SMIM35: variants seen among roughly 807,000 people sequenced by gnomAD.
The protein encoded by SMIM35 is TMPRSS4 antisense RNA 1 (non-protein coding).
intron 1 of SMIM35, among the ~76,000 whole-genome samples, chr11:118,022,240 A>T (rs922551807): frequency 2.6e-5 from 4 of 152,074 alleles, no homozygotes. Context: ...TAGTAGAGAC[A>T]GGGTTTCACC....
intron 1 of SMIM35, chr11:118,029,774 C>CT (rs1182034741): frequency 2.2e-6 from 1 of 457,228 alleles, no homozygotes; most frequent in Non-Finnish European, 4.4e-6. Flanking sequence ...TCCCAGAGGT[C>CT]TGAGGTCCTC....
intron 1 of SMIM35, among the ~76,000 whole-genome samples, chr11:118,022,909 G>C (rs1342038231): frequency 6.6e-6 from 1 of 151,486 alleles, no homozygotes; most frequent in African/African-American, 2.4e-5. Flanking sequence ...GCCTTAGACT[G>C]TTCAGCCTAA....
intron 1 of SMIM35, among the ~76,000 whole-genome samples, chr11:118,032,834 G>A (rs901367603): frequency 1.3e-5 from 2 of 152,184 alleles, no homozygotes; most frequent in African/African-American, 2.4e-5. Flanking sequence ...CTTGAACTCA[G>A]GAGGTGGAGG....
chr11:118,074,541 G>T (rs757243320), intron 1 of SMIM35, among the ~76,000 whole-genome samples: 1 of 152,172 alleles, frequency 6.6e-6, no homozygotes, highest in Admixed American at 6.5e-5. Context: ...GAGCTCAGGG[G>T]TTTGAGACCA....
rs150635491 is a variant in SMIM35, at chr11:118,015,135, A to G, written c.125-394T>C. 7.5e-4 allele frequency among the ~76,000 whole-genome samples: 115 copies of G among 152,384 alleles called. 1 individual carries two copies. In the Middle Eastern group the frequency reaches 0.034, roughly 45 times the overall value. ...CATAGTAGGTGCTCAACAAATATCC[A>G]TGGACTCTGTTAAAGTTAAGTGCAG... On this transcript the variant is annotated intron_variant, in intron 2 of 4. Transcript: ENST00000689828.
chr11:118,044,840 C>T (rs1287448507), intron 1 of SMIM35, among the ~76,000 whole-genome samples: 1 of 150,658 alleles, frequency 6.6e-6, no homozygotes, highest in Non-Finnish European at 1.5e-5. Context: ...AAAAAACCTC[C>T]TAGTTTGATC....
intron 1 of SMIM35, among the ~76,000 whole-genome samples, chr11:118,027,016 C>CTTTTTTTTTTTTTTTT (rs60864416): frequency 3.2e-5 from 3 of 93,256 alleles, no homozygotes; most frequent in East Asian, 4.1e-4. Flanking sequence ...ACCACCACCA[C>CTTTTTTTTTTTTTTTT]TTTTTTTTTT....
At chr11:118,044,807 A>G (rs1308334054) in intron 1 of SMIM35, among the ~76,000 whole-genome samples, 1 of 151,032 alleles carries the variant, frequency 6.6e-6, no homozygotes, top group Non-Finnish European at 1.5e-5. Context: ...CTACTAAAAA[A>G]AAAACAAAAC....
chr11:118,015,450 A>G (rs1322066328), intron 2 of SMIM35, among the ~76,000 whole-genome samples: 2 of 152,046 alleles, frequency 1.3e-5, no homozygotes, highest in African/African-American at 4.8e-5. Context: ...CTGAGGGAGG[A>G]GGAAGCTGGC....
At chr11:118,028,577 A>G (rs189701209) in intron 1 of SMIM35, among the ~76,000 whole-genome samples, 7 of 152,324 alleles carry the variant, frequency 4.6e-5, no homozygotes, top group African/African-American at 1.4e-4. Flanking sequence ...AAATAAAACT[A>G]TGCTTATTCG....
chr11:118,085,765 G>C (rs189911135), intron 1 of SMIM35, among the ~76,000 whole-genome samples: 1 of 152,054 alleles, frequency 6.6e-6, no homozygotes, highest in Non-Finnish European at 1.5e-5. Context: ...TGGCCCTCTC[G>C]AGTCCCCTCC....
At chr11:118,079,615 G>A (rs551298478) in intron 1 of SMIM35, among the ~76,000 whole-genome samples, 5 of 152,316 alleles carry the variant, frequency 3.3e-5, no homozygotes, top group South Asian at 2.1e-4. Flanking sequence ...GCCACCAGAC[G>A]TGGGTGTTAA....
At chr11:118,077,596 T>C (rs75602418) in intron 1 of SMIM35, among the ~76,000 whole-genome samples, 4,631 of 152,258 alleles carry the variant, frequency 0.03, 229 homozygotes, top group African/African-American at 0.11. Flanking sequence ...GCATGTTCTT[T>C]TGCCCAATGT....
intron 1 of SMIM35, chr11:118,025,739 G>A (rs4936416): frequency 0.074 from 33,855 of 454,568 alleles, 1,689 homozygotes; most frequent in Non-Finnish European, 0.1. Flanking sequence ...CCATTCTATA[G>A]GTTGTCTGTT....
intron 4 of SMIM35, among the ~76,000 whole-genome samples, chr11:118,008,883 C>A (rs1392594434): frequency 3.3e-5 from 5 of 152,182 alleles, no homozygotes; most frequent in Admixed American, 3.3e-4. Context: ...AGACTGGATG[C>A]CCCCATGGTG....
chr11:118,052,565 C>G (rs761484245), intron 1 of SMIM35, among the ~76,000 whole-genome samples: 1 of 152,126 alleles, frequency 6.6e-6, no homozygotes, highest in Admixed American at 6.5e-5. Context: ...CCTCAGGCCC[C>G]CACAGAACCT....
chr11:118,011,083 C>T (rs1196075434), intron 4 of SMIM35, among the ~76,000 whole-genome samples: 1 of 152,166 alleles, frequency 6.6e-6, no homozygotes, highest in Non-Finnish European at 1.5e-5. Context: ...CAGTAGCCTG[C>T]GGAAGTAAGG....
intron 1 of SMIM35, among the ~76,000 whole-genome samples, chr11:118,018,105 C>A (rs1191148679): frequency 6.6e-6 from 1 of 152,096 alleles, no homozygotes; most frequent in Non-Finnish European, 1.5e-5. Context: ...GCAGTAGGTA[C>A]AAATGAGGCA....
chr11:118,085,647 G>C (rs971225114), intron 1 of SMIM35, among the ~76,000 whole-genome samples: 1 of 152,212 alleles, frequency 6.6e-6, no homozygotes, highest in Non-Finnish European at 1.5e-5. Flanking sequence ...TAAATTGCAA[G>C]GTTGAGAGAA....
Sources: gnomAD v4.1 joint callset for allele counts (sites outside exome capture counted in the v4.1 genomes callset) on GRCh38, gnomAD v4.1.1 for gene constraint, MANE v1.5 for transcripts, NCBI Gene and HGNC (gene_info 2026-07-23, HGNC 2026-07-21) for gene names.